CFAP299: variants seen among roughly 807,000 people sequenced by gnomAD.
CFAP299 encodes cilia and flagella associated protein 299, also known as cilia- and flagella-associated protein 299.
CFAP299 carries 21 observed loss-of-function variants against 27.0 expected under a neutral mutation model. That is an observed-to-expected ratio of 0.78 (90% CI 0.55 to 1.12). The LOEUF is 1.12. Among genes scored for constraint, CFAP299 ranks in the 50% most tolerant of loss-of-function variants. CFAP299 has a pLI of 0.00. For missense variants in CFAP299, 310 were observed against 276.6 expected, an observed-to-expected ratio of 1.12 and a Z score of -0.86; for synonymous variants, 104 against 98.1, an observed-to-expected ratio of 1.06 and a Z score of -0.36.
intron 3 of CFAP299, among the ~76,000 whole-genome samples, chr4:80,862,334 C>T (rs577927562): frequency 6.6e-6 from 1 of 152,168 alleles, no homozygotes; most frequent in Admixed American, 6.5e-5. Context: ...CGTGCCACTG[C>T]ACTCCAGTCT....
chr4:80,813,072 G>C (rs1402472111), intron 3 of CFAP299, among the ~76,000 whole-genome samples: 1 of 152,012 alleles, frequency 6.6e-6, no homozygotes, highest in Non-Finnish European at 1.5e-5. Context: ...TGAACACTTT[G>C]TAATAGAACA....
chr4:80,550,284 A>G (rs1447164976), intron 2 of CFAP299, among the ~76,000 whole-genome samples: 3 of 152,096 alleles, frequency 2.0e-5, no homozygotes, highest in East Asian at 3.8e-4. Flanking sequence ...ATTATGTTAC[A>G]TCTAGTAAAC....
chr4:80,343,457 AAAT>A (rs1485175348), intron 1 of CFAP299, among the ~76,000 whole-genome samples: 1 of 152,204 alleles, frequency 6.6e-6, no homozygotes. Context: ...AAAAGAACTG[AAAT>A]AATAACAGTC....
At chr4:80,900,808 T>C (rs1734852302) in intron 4 of CFAP299, among the ~76,000 whole-genome samples, 1 of 151,886 alleles carries the variant, frequency 6.6e-6, no homozygotes, top group Non-Finnish European at 1.5e-5. Context: ...AAAATTTTTT[T>C]CTAATTAGAC....
intron 3 of CFAP299, among the ~76,000 whole-genome samples, chr4:80,779,586 A>G (rs530064251): frequency 6.6e-6 from 1 of 152,070 alleles, no homozygotes; most frequent in South Asian, 2.1e-4. Flanking sequence ...ACTAGATATT[A>G]AATTCAGACA....
chr4:80,447,084 T>A (rs949233023), intron 2 of CFAP299, among the ~76,000 whole-genome samples: 14 of 151,746 alleles, frequency 9.2e-5, no homozygotes, highest in African/African-American at 3.1e-4. Flanking sequence ...TTAACAATGG[T>A]AGTGTTTCTT....
At chr4:80,733,175 A>C (rs1723638676) in intron 3 of CFAP299, among the ~76,000 whole-genome samples, 1 of 152,236 alleles carries the variant, frequency 6.6e-6, no homozygotes, top group Non-Finnish European at 1.5e-5. Context: ...AAACTGGTAA[A>C]TCATGCAAAT....
intron 2 of CFAP299, among the ~76,000 whole-genome samples, chr4:80,438,041 C>CT (rs1352196968): frequency 7.9e-5 from 12 of 152,078 alleles, no homozygotes; most frequent in Non-Finnish European, 2.9e-5. Context: ...AGCATCTTTG[C>CT]TTTTATGAAG....
intron 3 of CFAP299, among the ~76,000 whole-genome samples, chr4:80,749,784 C>G (rs929563384): frequency 1.3e-5 from 2 of 152,214 alleles, no homozygotes; most frequent in African/African-American, 4.8e-5. Context: ...GCGACACTGG[C>G]AGCTGATTAG....
At chr4:80,475,560 C>T (rs529722293) in intron 2 of CFAP299, among the ~76,000 whole-genome samples, 11 of 152,196 alleles carry the variant, frequency 7.2e-5, no homozygotes, top group Admixed American at 3.3e-4. Context: ...AAGATGAGGA[C>T]AACTGAGAGA....
intron 3 of CFAP299, among the ~76,000 whole-genome samples, chr4:80,626,959 G>A (rs909276697): frequency 2.0e-5 from 3 of 151,710 alleles, no homozygotes; most frequent in Non-Finnish European, 3.0e-5. Context: ...CCAAAAAATT[G>A]AGGAGATGAA....
chr4:80,577,117 T>C (rs1735909852), intron 2 of CFAP299, among the ~76,000 whole-genome samples: 1 of 152,210 alleles, frequency 6.6e-6, no homozygotes, highest in Non-Finnish European at 1.5e-5. Context: ...ATGTAGTGTT[T>C]ATGATATGCT....
At chr4:80,750,458 T>A (rs1176859825) in intron 3 of CFAP299, among the ~76,000 whole-genome samples, 4 of 152,182 alleles carry the variant, frequency 2.6e-5, no homozygotes, top group African/African-American at 9.7e-5. Flanking sequence ...AAGAATCTTA[T>A]ATAATAGGAA....
intron 2 of CFAP299, among the ~76,000 whole-genome samples, chr4:80,440,302 G>A (rs576001044): frequency 7.2e-6 from 1 of 138,148 alleles, no homozygotes; most frequent in African/African-American, 2.5e-5. Context: ...ATACAGGAGA[G>A]CTCCGGCTGG....
chr4:80,599,793 G>A (rs986380948), intron 3 of CFAP299, among the ~76,000 whole-genome samples: 15 of 152,040 alleles, frequency 9.9e-5, no homozygotes, highest in Non-Finnish European at 1.6e-4. Context: ...TAAGTTGTAA[G>A]GGATCATTTA....
At chr4:80,843,521 A>G (rs975276957) in intron 3 of CFAP299, among the ~76,000 whole-genome samples, 1 of 152,112 alleles carries the variant, frequency 6.6e-6, no homozygotes, top group African/African-American at 2.4e-5. Flanking sequence ...GCTATTGTGA[A>G]TAGTGCCACA....
intron 2 of CFAP299, among the ~76,000 whole-genome samples, chr4:80,384,563 CT>C (rs1311591161): frequency 6.6e-6 from 1 of 152,070 alleles, no homozygotes; most frequent in Non-Finnish European, 1.5e-5. Flanking sequence ...AAGACATAGG[CT>C]TGCTGTAGTA....
chr4:80,462,862 A>T lies in CFAP299; in HGVS notation c.242+99978A>T, dbSNP rs542410365. Reference sequence around the variant, plus strand: ...TGAATGACAAAGTCCTAATAACAGCATATATAGGAAATTTTAGGGGATTTT... The same window carrying T: ...TGAATGACAAAGTCCTAATAACAGCTTATATAGGAAATTTTAGGGGATTTT... On this transcript the variant is annotated intron_variant, in intron 2 of 5. Transcript: ENST00000358105. Among the ~76,000 whole-genome samples, 142 of 152,278 alleles carry T rather than the reference A, an allele frequency of 9.3e-4. 1 individual carries two copies. Among genetic ancestry groups the T allele is most frequent in the African/African-American group, 3.2e-3 (134 of 41,556 alleles).
chr4:80,916,996 G>A (rs1340726044), intron 4 of CFAP299, among the ~76,000 whole-genome samples: 1 of 152,018 alleles, frequency 6.6e-6, no homozygotes, highest in Non-Finnish European at 1.5e-5. Context: ...AGCAAAAAAA[G>A]GGTCAATATC....
Sources: allele counts gnomAD v4.1 joint callset (sites outside exome capture counted in the v4.1 genomes callset), GRCh38; gene constraint gnomAD v4.1.1; transcripts MANE v1.5; gene names NCBI Gene and HGNC (gene_info 2026-07-23, HGNC 2026-07-21).